PARPBP: variants seen among roughly 807,000 people sequenced by gnomAD.
PARPBP encodes the protein PARP1 binding protein, also known as PCNA-interacting partner.
Under a neutral mutation model 50.0 loss-of-function variants are expected in PARPBP, and 52 were observed. The ratio of observed to expected loss-of-function variants is 1.04; its 90% confidence interval spans 0.83 to 1.31. The LOEUF (loss-of-function observed/expected upper bound fraction) is 1.31, where lower values mean the gene tolerates loss of function less well. Among genes scored for constraint, PARPBP ranks in the 50% most tolerant of loss-of-function variants. The probability of loss-of-function intolerance (pLI) is 0.00; values close to 1 mark genes in which losing one functional copy is unlikely to be tolerated. For missense variants in PARPBP, 697 were observed against 672.0 expected, an observed-to-expected ratio of 1.04 and a Z score of -0.41; for synonymous variants, 244 against 232.1, an observed-to-expected ratio of 1.05 and a Z score of -0.47.
At position 102,175,493 on chromosome 12, in the gene PARPBP, G is replaced by A; in HGVS notation, c.832G>A (p.Gly278Ser). Residue 278 changes from glycine (G) to serine (S), a missense_variant, in exon 7 of 11, where the codon GGT (glycine) becomes AGT (serine). Coordinates refer to ENST00000327680, the MANE Select transcript of PARPBP (RefSeq NM_017915.5). ...GEIPNPSIAG[G>S]QILSVIKMQL... ...AATTTCTATTTTCAGCATTGCAGGG[G>A]GTCAAATACTGTCAGTGATAAAGAT... 1.2e-6 allele frequency: 2 copies of A among 1,611,538 alleles called. No individual in the cohort carries two copies. Among genetic ancestry groups the A allele is most frequent in the Non-Finnish European group, 8.5e-7 (1 of 1,178,192 alleles).
At chr12:102,128,599 C>G (rs1882376344) in intron 2 of PARPBP, among the ~76,000 whole-genome samples, 2 of 152,274 alleles carry the variant, frequency 1.3e-5, no homozygotes, top group Middle Eastern at 3.4e-3. Flanking sequence ...CTATGCCTGT[C>G]TTACTTTCCT....
At chr12:102,152,057 C>T in intron 3 of PARPBP, 1 of 426,832 alleles carries the variant, frequency 2.3e-6, no homozygotes, top group Non-Finnish European at 4.2e-6. Flanking sequence ...TTTTTTCTTC[C>T]TAAAAACCAA....
At chr12:102,131,249 C>A (rs543433820) in intron 2 of PARPBP, among the ~76,000 whole-genome samples, 4 of 151,884 alleles carry the variant, frequency 2.6e-5, no homozygotes, top group Admixed American at 1.3e-4. Flanking sequence ...CACTTGAACC[C>A]GAGAGGCAGA....
chr12:102,156,516 G>A (rs1365375046), intron 4 of PARPBP, among the ~76,000 whole-genome samples: 2 of 151,740 alleles, frequency 1.3e-5, no homozygotes, highest in African/African-American at 2.4e-5. Context: ...AATATTTTAC[G>A]GGGCTTAACT....
intron 2 of PARPBP, 41 bp from the exon 3 acceptor site, chr12:102,148,189 C>A: frequency 1.2e-6 from 1 of 823,072 alleles, no homozygotes; most frequent in Non-Finnish European, 1.9e-6. Context: ...TATTCTGGTA[C>A]CCAACTTTAT....
intron 9 of PARPBP, among the ~76,000 whole-genome samples, chr12:102,192,909 T>C (rs1015032464): frequency 6.6e-5 from 10 of 151,974 alleles, no homozygotes; most frequent in African/African-American, 1.7e-4. Flanking sequence ...TATAATCCTT[T>C]ATGAAAAGAA....
intron 2 of PARPBP, among the ~76,000 whole-genome samples, chr12:102,140,937 T>G (rs1325389924): frequency 6.6e-6 from 1 of 152,212 alleles, no homozygotes; most frequent in Non-Finnish European, 1.5e-5. Flanking sequence ...TGCGGTGTGG[T>G]GCTGAGAAGA....
rs1488437486 is a variant in PARPBP at position 102,197,142 on chromosome 12, A to G, written c.*851A>G. 1 of 1,612,024 alleles carries G rather than the reference A, an allele frequency of 6.2e-7. No homozygotes were observed. Among genetic ancestry groups the G allele is most frequent in the Admixed American group, 1.7e-5 (1 of 59,884 alleles). ...TAGCCAGATTCAGTGGCAGACCATGATTTAAGAAATTATGTTTGGAGCCTG... is the reference window on the plus strand; with the variant it reads ...TAGCCAGATTCAGTGGCAGACCATGGTTTAAGAAATTATGTTTGGAGCCTG... On this transcript the variant is annotated 3_prime_UTR_variant, in exon 11 of 11. Coordinates refer to ENST00000327680, the MANE Select transcript of PARPBP (RefSeq NM_017915.5).
At chr12:102,185,919 G>A (rs1411864952) in intron 9 of PARPBP, among the ~76,000 whole-genome samples, 5 of 152,158 alleles carry the variant, frequency 3.3e-5, no homozygotes, top group Non-Finnish European at 5.9e-5. Context: ...CTCCCAAAGT[G>A]CTGGGATTAC....
At chr12:102,137,462 A>T (rs946190739) in intron 2 of PARPBP, among the ~76,000 whole-genome samples, 1 of 152,024 alleles carries the variant, frequency 6.6e-6, no homozygotes, top group Non-Finnish European at 1.5e-5. Context: ...TGAGGGGGAA[A>T]ATTTTTTAGC....
chr12:102,150,767 C>T (rs1451517463), intron 3 of PARPBP, among the ~76,000 whole-genome samples: 1 of 152,208 alleles, frequency 6.6e-6, no homozygotes, highest in Non-Finnish European at 1.5e-5. Flanking sequence ...AGAGCTTAGC[C>T]TCAGAGATCT....
At chr12:102,143,127 G>C (rs1441035205) in intron 2 of PARPBP, among the ~76,000 whole-genome samples, 2 of 152,170 alleles carry the variant, frequency 1.3e-5, no homozygotes, top group African/African-American at 2.4e-5. Context: ...CTTGAGCTGT[G>C]GTGGGTTCCA....
chr12:102,165,006 T>C (rs1481681473), intron 5 of PARPBP, among the ~76,000 whole-genome samples: 2 of 152,186 alleles, frequency 1.3e-5, no homozygotes. Context: ...CATAAAGAAA[T>C]CTGCTTGTAG....
intron 2 of PARPBP, among the ~76,000 whole-genome samples, chr12:102,140,061 C>T (rs1215195383): frequency 6.6e-6 from 1 of 152,134 alleles, no homozygotes; most frequent in Non-Finnish European, 1.5e-5. Flanking sequence ...AAGAATGGTA[C>T]CAGCTCCTCT....
chr12:102,147,473 A>G (rs986679470), intron 2 of PARPBP, among the ~76,000 whole-genome samples: 1 of 150,824 alleles, frequency 6.6e-6, no homozygotes, highest in African/African-American at 2.4e-5. Context: ...AGGACAAAAA[A>G]CCAAACACCG....
At chr12:102,183,581 T>C (rs1890034582) in intron 9 of PARPBP, among the ~76,000 whole-genome samples, 1 of 152,160 alleles carries the variant, frequency 6.6e-6, no homozygotes, top group Non-Finnish European at 1.5e-5. Flanking sequence ...AATTTGTCAA[T>C]TCTTTGTCAT....
At chr12:102,126,334 T>A (rs1334015870) in intron 2 of PARPBP, among the ~76,000 whole-genome samples, 1 of 152,246 alleles carries the variant, frequency 6.6e-6, no homozygotes, top group East Asian at 1.9e-4. Context: ...CACTTTCTCT[T>A]TGTTTTTGAC....
intron 2 of PARPBP, among the ~76,000 whole-genome samples, chr12:102,142,840 C>T (rs1014587171): frequency 2.6e-5 from 4 of 152,210 alleles, no homozygotes; most frequent in African/African-American, 9.7e-5. Flanking sequence ...GCTGCCTGAT[C>T]CTTCCTCTGG....
At chr12:102,159,343 G>A (rs529986277) in intron 4 of PARPBP, among the ~76,000 whole-genome samples, 107 of 152,270 alleles carry the variant, frequency 7.0e-4, no homozygotes, top group African/African-American at 2.4e-3. Flanking sequence ...TGGCCAGGCT[G>A]GTCTTGAACT....
Sources: allele counts gnomAD v4.1 joint callset (sites outside exome capture counted in the v4.1 genomes callset), GRCh38; gene constraint gnomAD v4.1.1; transcripts MANE v1.5; gene names NCBI Gene and HGNC (gene_info 2026-07-23, HGNC 2026-07-21).